The following EPHA5 variants were observed in gnomAD, a reference collection of about 807,000 sequenced individuals.
EPHA5 encodes ephrin type-A receptor 5.
EPHA5 carries 60 observed loss-of-function variants against 105.0 expected under a neutral mutation model. The ratio of observed to expected loss-of-function variants is 0.57; its 90% confidence interval spans 0.46 to 0.71. The LOEUF (loss-of-function observed/expected upper bound fraction) is 0.71, where lower values mean the gene tolerates loss of function less well. Among genes scored for constraint, EPHA5 ranks in the 30% least tolerant of loss-of-function variants. The probability of loss-of-function intolerance (pLI) is 0.00; values close to 1 mark genes in which losing one functional copy is unlikely to be tolerated. For missense variants in EPHA5, 1,218 were observed against 1,274.7 expected (o/e 0.96, Z 0.68); for synonymous variants, 513 against 449.1 (o/e 1.14, Z -1.80).
intron 3 of EPHA5, among the ~76,000 whole-genome samples, chr4:65,551,270 GT>G (rs1737883915): frequency 9.9e-6 from 1 of 101,166 alleles, no homozygotes; most frequent in Non-Finnish European, 2.1e-5. Flanking sequence ...GTGTGTGTGT[GT>G]GTGTGTGTGT....
chr4:65,494,264 T>C (rs1239080145), intron 4 of EPHA5, among the ~76,000 whole-genome samples: 1 of 152,188 alleles, frequency 6.6e-6, no homozygotes, highest in African/African-American at 2.4e-5. Context: ...ATTTAGACAC[T>C]ATGAAATTCA....
In EPHA5 at chr4:65,490,503, C is replaced by T. The variant is rs371755476; in HGVS notation, c.1276G>A (p.Val426Ile). 4.1e-4 allele frequency: 664 copies of T among 1,614,168 alleles called. 2 individuals are homozygous for T. The South Asian group carries it at 6.8e-3, about 16-fold the overall frequency. The change falls in exon 5 of 17, where the codon GTC (valine) becomes ATC (isoleucine). Residue 426 changes from valine to isoleucine, a missense_variant. Physicochemically the swap from Val to Ile is conservative, Grantham distance 29 (BLOSUM62 3). Coordinates refer to ENST00000613740, the MANE Select transcript of EPHA5 (RefSeq NM_001281766.3). ...PRQSGLKNTS[V>I]MMVDLLAHTN... The stretch of plus-strand genomic sequence containing the variant: ...TGAGCGAGTAGATCCACCATCATGA[C>T]AGAGGTGTTTTTCAGGCCGCTTTGC...
At chr4:65,490,117 GA>G (rs1209041594) in intron 5 of EPHA5, among the ~76,000 whole-genome samples, 2 of 152,202 alleles carry the variant, frequency 1.3e-5, no homozygotes, top group Non-Finnish European at 2.9e-5. Context: ...ATTTGATCCA[GA>G]AATGTATTTC....
chr4:65,482,825 C>T (rs992474308), intron 5 of EPHA5, among the ~76,000 whole-genome samples: 6 of 149,752 alleles, frequency 4.0e-5, no homozygotes, highest in African/African-American at 1.5e-4. Flanking sequence ...AAAGACATTG[C>T]CTACCATTTC....
intron 3 of EPHA5, among the ~76,000 whole-genome samples, chr4:65,548,939 T>C (rs530122074): frequency 1.4e-4 from 21 of 152,292 alleles, no homozygotes; most frequent in Admixed American, 3.3e-4. Context: ...CTAGCGCTAA[T>C]GCTGTAAAAA....
At chr4:65,430,186 T>C (rs897868595) in intron 5 of EPHA5, among the ~76,000 whole-genome samples, 1 of 152,014 alleles carries the variant, frequency 6.6e-6, no homozygotes. Flanking sequence ...CTCAAACAGA[T>C]CACGCAGAGA....
At chr4:65,387,817 A>AT (rs1387616096) in intron 8 of EPHA5, among the ~76,000 whole-genome samples, 4 of 151,542 alleles carry the variant, frequency 2.6e-5, no homozygotes, top group African/African-American at 9.7e-5. Flanking sequence ...TGTATGTCTC[A>AT]TTCTTTTTTT....
chr4:65,459,094 T>C (rs964364032), intron 5 of EPHA5, among the ~76,000 whole-genome samples: 4 of 152,086 alleles, frequency 2.6e-5, no homozygotes, highest in African/African-American at 7.2e-5. Flanking sequence ...ATCTGAATTA[T>C]TATGTTTCTT....
At chr4:65,643,516 T>C in intron 1 of EPHA5, 89 bp from the exon 2 acceptor site, 2 of 1,083,334 alleles carry the variant, frequency 1.8e-6, no homozygotes, top group East Asian at 2.5e-5. Flanking sequence ...AAATTGCATG[T>C]TGTTTACATA....
chr4:65,395,894 C>T (rs1490570019), intron 8 of EPHA5, among the ~76,000 whole-genome samples: 2 of 152,174 alleles, frequency 1.3e-5, no homozygotes, highest in Non-Finnish European at 2.9e-5. Flanking sequence ...TGCAAAGGCA[C>T]CGACTGGAGA....
At chr4:65,414,561 A>G (rs1428725124) in intron 6 of EPHA5, 118 bp from the exon 7 acceptor site, 2 of 1,110,554 alleles carry the variant, frequency 1.8e-6, no homozygotes, top group Admixed American at 5.0e-5. Flanking sequence ...ATTAGTACAA[A>G]TATAACATTT....
chr4:65,385,959 C>T (rs947043055), intron 8 of EPHA5, among the ~76,000 whole-genome samples: 1 of 151,872 alleles, frequency 6.6e-6, no homozygotes, highest in Admixed American at 6.6e-5. Context: ...TTATTTAGTA[C>T]ATGCTACATG....
chr4:65,640,762 G>A (rs1747591998), intron 2 of EPHA5, among the ~76,000 whole-genome samples: 1 of 152,120 alleles, frequency 6.6e-6, no homozygotes, highest in South Asian at 2.1e-4. Context: ...TCCTGCTTGT[G>A]CACAAGTAAA....
At chr4:65,441,910 T>C (rs1726051873) in intron 5 of EPHA5, among the ~76,000 whole-genome samples, 1 of 152,194 alleles carries the variant, frequency 6.6e-6, no homozygotes, top group Non-Finnish European at 1.5e-5. Context: ...ATAATCTTTT[T>C]ATTCTAACAT....
intron 3 of EPHA5, among the ~76,000 whole-genome samples, chr4:65,544,680 G>A (rs957277183): frequency 6.6e-6 from 1 of 151,928 alleles, no homozygotes; most frequent in East Asian, 1.9e-4. Context: ...ATTCCTCAAA[G>A]GTCTAGAACC....
intron 14 of EPHA5, among the ~76,000 whole-genome samples, chr4:65,338,940 C>T (rs891726829): frequency 1.3e-5 from 2 of 151,964 alleles, no homozygotes; most frequent in African/African-American, 4.8e-5. Flanking sequence ...TGGACTTTCT[C>T]ATTACTATTA....
intron 3 of EPHA5, among the ~76,000 whole-genome samples, chr4:65,586,618 T>C (rs182952688): frequency 6.5e-4 from 99 of 152,124 alleles, no homozygotes; most frequent in African/African-American, 2.3e-3. Flanking sequence ...AAATGTGGTA[T>C]ATTCTAAAAT....
In EPHA5 at chr4:65,320,857, A is replaced by G. The variant is rs1560405372; in HGVS notation, c.*3257T>C. ...AATAATGCTGGCCACACTTAAGTTT[A>G]GATAAAATATTGGAATATAATTTTT... On this transcript the variant is annotated 3_prime_UTR_variant, in exon 17 of 17. Coordinates refer to ENST00000613740, the MANE Select transcript of EPHA5 (RefSeq NM_001281766.3). 1 of 230,176 alleles carries G rather than the reference A, an allele frequency of 4.3e-6. No individual in the cohort carries two copies. Among genetic ancestry groups the G allele is most frequent in the Non-Finnish European group, 8.6e-6 (1 of 116,100 alleles). 14.3% of individuals were successfully genotyped at this position (230,176 alleles called of 1,614,324 possible).
chr4:65,346,452 A>AT (rs138621579), intron 14 of EPHA5, among the ~76,000 whole-genome samples: 15,154 of 151,944 alleles, frequency 0.1, 787 homozygotes, highest in Middle Eastern at 0.14. Flanking sequence ...TTCTTCTATT[A>AT]TTTTATATTC....
Sources: gnomAD v4.1 joint callset for allele counts (sites outside exome capture counted in the v4.1 genomes callset) on GRCh38, gnomAD v4.1.1 for gene constraint, MANE v1.5 for transcripts, NCBI Gene and HGNC (gene_info 2026-07-23, HGNC 2026-07-21) for gene names.